CACNA1A: variants seen among roughly 807,000 people sequenced by gnomAD.
CACNA1A encodes voltage-dependent P/Q-type calcium channel subunit alpha-1A.
Under a neutral mutation model 262.4 loss-of-function variants are expected in CACNA1A, and 57 were observed. The ratio of observed to expected loss-of-function variants is 0.22; its 90% CI spans 0.18 to 0.27. The LOEUF (loss-of-function observed/expected upper bound fraction) is 0.27. Among genes scored for constraint, CACNA1A ranks in the 10% least tolerant of loss-of-function variants. CACNA1A has a pLI of 1.00. For synonymous variants in CACNA1A, 1,431 were observed against 1,419.3 expected, an observed-to-expected ratio of 1.01 and a Z score of -0.18; for missense variants, 2,526 against 3,562.8, an observed-to-expected ratio of 0.71 and a Z score of 7.41.
At chr19:13,210,100 A>C (rs967131950) in intron 44 of CACNA1A, among the ~76,000 whole-genome samples, 2 of 151,914 alleles carry the variant, frequency 1.3e-5, no homozygotes, top group Non-Finnish European at 2.9e-5. Context: ...ATACCCAGGC[A>C]CTGGAGGCTC....
chr19:13,282,943 AC>A (rs1181271785), intron 22 of CACNA1A, among the ~76,000 whole-genome samples: 5 of 151,904 alleles, frequency 3.3e-5, no homozygotes, highest in African/African-American at 4.8e-5. Flanking sequence ...TGCCCCAGTA[AC>A]CCCCCTATTC....
chr19:13,376,712 T>C (rs926730450), intron 3 of CACNA1A, among the ~76,000 whole-genome samples: 2 of 147,508 alleles, frequency 1.4e-5, no homozygotes, highest in Admixed American at 6.9e-5. Flanking sequence ...TATGATACAC[T>C]ACACATAATA....
chr19:13,484,675 A>G (rs1355506342), intron 1 of CACNA1A, among the ~76,000 whole-genome samples: 1 of 152,230 alleles, frequency 6.6e-6, no homozygotes, highest in Non-Finnish European at 1.5e-5. Context: ...ACATAAAATC[A>G]TTGTATTACT....
intron 1 of CACNA1A, among the ~76,000 whole-genome samples, chr19:13,488,795 G>T (rs1980373724): frequency 6.6e-6 from 1 of 151,892 alleles, no homozygotes; most frequent in Non-Finnish European, 1.5e-5. Flanking sequence ...CAGGTCTGGG[G>T]TAGGGGATGA....
chr19:13,453,121 CCT>C, intron 2 of CACNA1A, 106 bp from the exon 3 acceptor site: 1 of 1,140,030 alleles, frequency 8.8e-7, no homozygotes, highest in South Asian at 1.4e-5. Flanking sequence ...TCTCACTTCC[CCT>C]GACCCTCCTG....
intron 38 of CACNA1A, among the ~76,000 whole-genome samples, chr19:13,222,680 C>A (rs1301639430): frequency 2.0e-5 from 3 of 151,498 alleles, no homozygotes; most frequent in Non-Finnish European, 4.4e-5. Context: ...CAGGCGTGAG[C>A]CAGCGTGCCC....
intron 6 of CACNA1A, among the ~76,000 whole-genome samples, chr19:13,353,017 C>T (rs1422432956): frequency 6.6e-6 from 1 of 152,190 alleles, no homozygotes; most frequent in Non-Finnish European, 1.5e-5. Flanking sequence ...AGGTGATCTG[C>T]CTGCCTTGGC....
At chr19:13,341,704 G>A (rs774704036) in intron 6 of CACNA1A, among the ~76,000 whole-genome samples, 17 of 152,272 alleles carry the variant, frequency 1.1e-4, no homozygotes, top group Middle Eastern at 3.4e-3. Flanking sequence ...CCTTCTGAGG[G>A]AGGCCTCCCC....
chr19:13,249,821 G>GAACCTAA (rs36007335), intron 30 of CACNA1A, among the ~76,000 whole-genome samples: 2 of 15,400 alleles, frequency 1.3e-4, no homozygotes, highest in South Asian at 2.5e-3. Flanking sequence ...GGCAAGATCT[G>GAACCTAA]AACTCTGGTG....
At chr19:13,280,866 G>C (rs532087307) in intron 22 of CACNA1A, among the ~76,000 whole-genome samples, 1 of 151,228 alleles carries the variant, frequency 6.6e-6, no homozygotes, top group African/African-American at 2.4e-5. Flanking sequence ...GCTTAAACCC[G>C]GGAGGCGGAG....
intron 3 of CACNA1A, among the ~76,000 whole-genome samples, chr19:13,426,720 T>C (rs1356805336): frequency 1.3e-5 from 2 of 152,184 alleles, no homozygotes; most frequent in Non-Finnish European, 2.9e-5. Flanking sequence ...ACCATTATTC[T>C]CCTCATTTGA....
intron 1 of CACNA1A, among the ~76,000 whole-genome samples, chr19:13,478,173 C>G (rs1386092174): frequency 6.6e-6 from 1 of 152,102 alleles, no homozygotes; most frequent in African/African-American, 2.4e-5. Flanking sequence ...AGAATGCCAC[C>G]CGCCCCCACA....
chr19:13,273,135 T>G (rs1375924426), intron 24 of CACNA1A: 2 of 152,096 alleles, frequency 1.3e-5, no homozygotes, highest in African/African-American at 4.8e-5. Context: ...TGGCTAATTT[T>G]TGTATTTTTT....
intron 1 of CACNA1A, among the ~76,000 whole-genome samples, chr19:13,493,466 C>T (rs1303695500): frequency 1.6e-4 from 24 of 152,238 alleles, no homozygotes; most frequent in Admixed American, 1.5e-3. Flanking sequence ...AAAAACGTCT[C>T]CAGACATTGC....
intron 32 of CACNA1A, 138 bp downstream of exon 32, chr19:13,235,476 G>A: frequency 2.6e-6 from 2 of 780,384 alleles, no homozygotes; most frequent in Admixed American, 4.1e-5. Flanking sequence ...CAGGAAGTTT[G>A]ACAACAGCCT....
intron 1 of CACNA1A, among the ~76,000 whole-genome samples, chr19:13,488,430 A>G (rs1282571996): frequency 6.3e-5 from 6 of 94,848 alleles, no homozygotes; most frequent in Non-Finnish European, 1.9e-5. Flanking sequence ...ACAGAGTCCC[A>G]CTCTGTCACC....
intron 3 of CACNA1A, among the ~76,000 whole-genome samples, chr19:13,396,269 C>T (rs2059810080): frequency 1.3e-5 from 2 of 152,220 alleles, no homozygotes; most frequent in Non-Finnish European, 2.9e-5. Flanking sequence ...TACTCTTCCC[C>T]GTGAGGGAAG....
At chr19:13,232,171 CTCTT>C (rs950862496) in intron 34 of CACNA1A, among the ~76,000 whole-genome samples, 16 of 151,548 alleles carry the variant, frequency 1.1e-4, no homozygotes, top group South Asian at 4.2e-4. Context: ...CCTTCTCTCT[CTCTT>C]TCTTTTCCTT....
chr19:13,367,294 C>CAAAAAAA (rs71168702), intron 4 of CACNA1A, among the ~76,000 whole-genome samples: 2 of 64,794 alleles, frequency 3.1e-5, no homozygotes, highest in African/African-American at 7.0e-5. Flanking sequence ...GACTCTGTCT[C>CAAAAAAA]AAAAAAAAAA....
Sources: gnomAD v4.1 joint callset for allele counts (sites outside exome capture counted in the v4.1 genomes callset) on GRCh38, gnomAD v4.1.1 for gene constraint, MANE v1.5 for transcripts, NCBI Gene and HGNC (gene_info 2026-07-23, HGNC 2026-07-21) for gene names.